The following NRXN1 variants were observed in gnomAD, a reference collection of about 807,000 sequenced individuals.
NRXN1 encodes the protein neurexin-1.
In NRXN1, 39 loss-of-function variants were observed where a neutral mutation model predicts 150.9. The observed-to-expected ratio is 0.26, with a 90% CI of 0.20 to 0.34. The LOEUF (loss-of-function observed/expected upper bound fraction) is 0.34. NRXN1 is among the 10% of genes least tolerant of loss of function. The pLI, the probability that NRXN1 is intolerant of heterozygous loss-of-function variation, is 1.00. For missense variants in NRXN1, 1,815 were observed against 1,949.9 expected, an observed-to-expected ratio of 0.93 and a Z score of 1.30; for synonymous variants, 924 against 757.0, an observed-to-expected ratio of 1.22 and a Z score of -3.62.
intron 12 of NRXN1, among the ~76,000 whole-genome samples, chr2:50,510,810 G>T (rs1174066602): frequency 6.6e-6 from 1 of 152,118 alleles, no homozygotes; most frequent in African/African-American, 2.4e-5. Context: ...TGATCTGCAA[G>T]TAGTGTAAGA....
At chr2:50,389,813 C>A (rs548333513) in intron 17 of NRXN1, among the ~76,000 whole-genome samples, 1 of 152,080 alleles carries the variant, frequency 6.6e-6, no homozygotes, top group African/African-American at 2.4e-5. Flanking sequence ...ATATACATAT[C>A]GTTAAAAAAG....
Position 50,347,070 on chromosome 2 carries a change from C to A in NRXN1, c.3365-110100G>T. Reference sequence around the variant, plus strand: ...CTGAGGGGCCGGCCGCCTCACCGCGCCAGGGCACCCATCCTCTCCCTCCTT... The same window carrying A: ...CTGAGGGGCCGGCCGCCTCACCGCGACAGGGCACCCATCCTCTCCCTCCTT... On this transcript the variant is annotated intron_variant, in intron 17 of 22. Transcript: ENST00000401669. This position sits in a 1 kb window ranked among gnomAD's most constrained non-coding sequence, Gnocchi z 4.9. 1 of 1,380,476 alleles carries A rather than the reference C, an allele frequency of 7.2e-7. No homozygotes were observed. The highest frequency in any genetic ancestry group is 9.5e-7 in the Non-Finnish European group (1 of 1,051,928). The allele number at this position is 1,380,476 out of a possible 1,614,324, so 85.5% of individuals were successfully genotyped here.
chr2:50,347,591 C>T lies in NRXN1; in HGVS notation c.3365-110621G>A. On this transcript the variant is annotated intron_variant, in intron 17 of 22. Coordinates refer to ENST00000401669, the MANE Select transcript of NRXN1 (RefSeq NM_001330078.2). The surrounding 1 kb of genome is among the most constrained non-coding windows in gnomAD (Gnocchi z 4.9). ...GCATCGCCTGCTCCCGAGGCAATCT[C>T]CGCGTCCGCCGCCTCCTGACACTTA... The T allele has an allele frequency of 9.9e-7, 1 of 1,012,100 alleles. No individual in the cohort carries two copies. Among genetic ancestry groups the T allele is most frequent in the Non-Finnish European group, 1.2e-6 (1 of 845,980 alleles). The allele number at this position is 1,012,100 out of a possible 1,614,324, so 62.7% of individuals were successfully genotyped here. A position where few individuals can be genotyped will look rare whatever the true frequency, so the allele number is the denominator to read the frequency against.
chr2:50,076,601 T>C (rs1201805015), intron 19 of NRXN1, among the ~76,000 whole-genome samples: 2 of 152,198 alleles, frequency 1.3e-5, no homozygotes, highest in African/African-American at 4.8e-5. Context: ...GTCTGGCTTT[T>C]GAATGTTCCC....
chr2:50,833,491 CAG>C (rs2105897353), intron 5 of NRXN1, among the ~76,000 whole-genome samples: 1 of 152,292 alleles, frequency 6.6e-6, no homozygotes, highest in Non-Finnish European at 1.5e-5. Context: ...AATCTATTTA[CAG>C]AGAGAACTTG....
At chr2:51,013,253 G>A (rs987282252) in intron 2 of NRXN1, among the ~76,000 whole-genome samples, 2 of 152,024 alleles carry the variant, frequency 1.3e-5, no homozygotes, top group Admixed American at 6.6e-5. Context: ...AAGAGGACAA[G>A]GGCAGCTGGC....
intron 17 of NRXN1, among the ~76,000 whole-genome samples, chr2:50,433,262 T>G (rs1406429689): frequency 6.6e-6 from 1 of 152,220 alleles, no homozygotes; most frequent in African/African-American, 2.4e-5. Flanking sequence ...TCATTACTGT[T>G]GAAGCTACAT....
intron 17 of NRXN1, among the ~76,000 whole-genome samples, chr2:50,271,842 G>GAA (rs1192997739): frequency 6.6e-6 from 1 of 151,756 alleles, no homozygotes; most frequent in Non-Finnish European, 1.5e-5. Context: ...AAAGACAAGA[G>GAA]AAAAAAAATC....
intron 5 of NRXN1, among the ~76,000 whole-genome samples, chr2:50,819,005 A>G (rs1008119200): frequency 2.0e-5 from 3 of 152,198 alleles, no homozygotes; most frequent in African/African-American, 4.8e-5. Flanking sequence ...TACGATGGCC[A>G]TAACCAAAAC....
At chr2:50,893,771 T>C (rs568618048) in intron 5 of NRXN1, among the ~76,000 whole-genome samples, 1 of 152,124 alleles carries the variant, frequency 6.6e-6, no homozygotes, top group Admixed American at 6.6e-5. Context: ...GGTACTATAG[T>C]TATCCTTCAG....
chr2:50,473,544 G>A (rs372788552), intron 15 of NRXN1, among the ~76,000 whole-genome samples: 1 of 152,000 alleles, frequency 6.6e-6, no homozygotes, highest in South Asian at 2.1e-4. Flanking sequence ...CAGTCTACAA[G>A]TTCTGTAACA....
intron 18 of NRXN1, among the ~76,000 whole-genome samples, chr2:50,183,774 G>T (rs2060891647): frequency 6.6e-6 from 1 of 151,396 alleles, no homozygotes; most frequent in African/African-American, 2.4e-5. Context: ...CATGTAAATT[G>T]TAACAACCTT....
At chr2:50,660,604 T>G (rs571328714) in intron 5 of NRXN1, among the ~76,000 whole-genome samples, 1 of 152,030 alleles carries the variant, frequency 6.6e-6, no homozygotes, top group Non-Finnish European at 1.5e-5. Context: ...TCAAGGGTAA[T>G]GTGTAGCTTG....
chr2:50,888,989 T>C lies in NRXN1; in HGVS notation c.832+32880A>G, dbSNP rs77896694. ...AAATATCAGATTATAATATGTTTAA[T>C]TGGTATTCTACTTTACAGATCAAAC... On this transcript the variant is annotated intron_variant, in intron 5 of 22. Transcript: ENST00000401669. 5.3e-5 allele frequency among the ~76,000 whole-genome samples: 8 copies of C among 151,874 alleles called. No individual in the cohort carries two copies. The East Asian group carries it at 1.2e-3, about 22-fold the overall frequency.
At chr2:50,743,081 G>A (rs1018107333) in intron 5 of NRXN1, among the ~76,000 whole-genome samples, 1 of 152,148 alleles carries the variant, frequency 6.6e-6, no homozygotes, top group African/African-American at 2.4e-5. Flanking sequence ...ACTATAGAGA[G>A]ATGACAACAA....
chr2:50,558,317 CT>C (rs1262265768), intron 8 of NRXN1, among the ~76,000 whole-genome samples: 1 of 152,144 alleles, frequency 6.6e-6, no homozygotes, highest in East Asian at 1.9e-4. Flanking sequence ...ACCTAATGAC[CT>C]TAACCTCAAA....
At chr2:50,107,368 G>A (rs868602149) in intron 18 of NRXN1, among the ~76,000 whole-genome samples, 2 of 151,100 alleles carry the variant, frequency 1.3e-5, no homozygotes, top group African/African-American at 4.8e-5. Context: ...ATTGTATCAG[G>A]TAAACTCTCA....
chr2:50,376,810 T>G (rs2153025111), intron 17 of NRXN1, among the ~76,000 whole-genome samples: 1 of 152,240 alleles, frequency 6.6e-6, no homozygotes, highest in South Asian at 2.1e-4. Flanking sequence ...TAACAATAAC[T>G]TAACAACCAT....
intron 8 of NRXN1, among the ~76,000 whole-genome samples, chr2:50,585,146 G>C (rs568490494): frequency 6.6e-6 from 1 of 152,208 alleles, no homozygotes; most frequent in South Asian, 2.1e-4. Context: ...ATCAGATCTG[G>C]ATTCGGTGTT....
Sources: allele counts gnomAD v4.1 joint callset (sites outside exome capture counted in the v4.1 genomes callset), GRCh38; gene constraint gnomAD v4.1.1; non-coding constraint Gnocchi (gnomAD v3.1); transcripts MANE v1.5; gene names NCBI Gene and HGNC (gene_info 2026-07-23, HGNC 2026-07-21).